Variants in JARID2 observed in about 807,000 individuals in gnomAD.
JARID2 encodes the protein protein Jumonji.
A neutral mutation model predicts 125.6 loss-of-function variants in JARID2; 21 were observed. The ratio of observed to expected loss-of-function variants is 0.17; its 90% CI spans 0.12 to 0.24. The LOEUF is 0.24. JARID2 is among the 10% of genes least tolerant of loss of function. The pLI is 1.00. For synonymous variants in JARID2, 736 were observed against 661.6 expected (o/e 1.11, Z -1.73); for missense variants, 1,303 against 1,639.6 (o/e 0.79, Z 3.55).
chr6:15,475,310 G>T (rs1209060736), intron 5 of JARID2, among the ~76,000 whole-genome samples: 1 of 152,114 alleles, frequency 6.6e-6, no homozygotes, highest in East Asian at 1.9e-4. Flanking sequence ...ATCTAATGAA[G>T]CTTGGAGCTC....
chr6:15,270,725 A>G (rs963561324), intron 1 of JARID2, among the ~76,000 whole-genome samples: 1 of 152,056 alleles, frequency 6.6e-6, no homozygotes, highest in Non-Finnish European at 1.5e-5. Context: ...AGGTGGGGAG[A>G]TCACTTGAGC....
chr6:15,422,564 G>A (rs778687574), intron 3 of JARID2, among the ~76,000 whole-genome samples: 2 of 152,136 alleles, frequency 1.3e-5, no homozygotes, highest in Non-Finnish European at 2.9e-5. Context: ...TCGTGGTCAG[G>A]TTCTTTCCCT....
chr6:15,505,732 A>G (rs1770973237), intron 9 of JARID2, among the ~76,000 whole-genome samples: 1 of 152,066 alleles, frequency 6.6e-6, no homozygotes, highest in African/African-American at 2.4e-5. Context: ...GTGGCCTGAC[A>G]CCCGGCCTGT....
chr6:15,417,955 C>G (rs1766310093), intron 3 of JARID2, among the ~76,000 whole-genome samples: 1 of 152,140 alleles, frequency 6.6e-6, no homozygotes. Flanking sequence ...AGCCCTACCA[C>G]AGCCATCTGT....
chr6:15,314,990 G>A (rs1460508553), intron 1 of JARID2: 1 of 152,184 alleles, frequency 6.6e-6, no homozygotes, highest in Non-Finnish European at 1.5e-5. Flanking sequence ...CTGTATGCAA[G>A]TATGACACAG....
rs185232703 is a variant in JARID2 at position 15,297,427 on chromosome 6, G to A, written c.45+50843G>A. The stretch of plus-strand genomic sequence containing the variant: ...CCTGGGATTACAAGCATGAGCCACC[G>A]CCCGGCCTGGTTGTGTTTTTATAAG... On this transcript the variant is annotated intron_variant, in intron 1 of 17. Coordinates refer to ENST00000341776, the MANE Select transcript of JARID2 (RefSeq NM_004973.4). 5.2e-3 allele frequency among the ~76,000 whole-genome samples: 795 copies of A among 151,602 alleles called. 1 individual carries two copies. The highest frequency in any genetic ancestry group is 0.028 in the Middle Eastern group (8 of 288).
At chr6:15,356,887 G>GC (rs917900450) in intron 1 of JARID2, among the ~76,000 whole-genome samples, 37 of 152,074 alleles carry the variant, frequency 2.4e-4, no homozygotes, top group African/African-American at 8.5e-4. Context: ...GGTGGCACGT[G>GC]CCTGTAGTCC....
chr6:15,333,685 CTTA>C (rs1561797981), intron 1 of JARID2, among the ~76,000 whole-genome samples: 1 of 152,108 alleles, frequency 6.6e-6, no homozygotes, highest in East Asian at 1.9e-4. Context: ...GAATGTATTC[CTTA>C]TTATTGCTGA....
At chr6:15,284,308 A>C (rs1760909514) in intron 1 of JARID2, among the ~76,000 whole-genome samples, 1 of 152,098 alleles carries the variant, frequency 6.6e-6, no homozygotes, top group Non-Finnish European at 1.5e-5. Context: ...CTTAGGGTTT[A>C]TTCCTGTTGA....
chr6:15,417,428 T>A (rs1307724278), intron 3 of JARID2, among the ~76,000 whole-genome samples: 1 of 152,230 alleles, frequency 6.6e-6, no homozygotes, highest in East Asian at 1.9e-4. Flanking sequence ...CTGAATAAAT[T>A]AATTCTTGAA....
intron 1 of JARID2, among the ~76,000 whole-genome samples, chr6:15,343,310 T>C (rs1763135289): frequency 6.6e-6 from 1 of 150,978 alleles, no homozygotes; most frequent in East Asian, 1.9e-4. Context: ...AAAAAGCTCA[T>C]GAGCATGCTC....
intron 1 of JARID2, among the ~76,000 whole-genome samples, chr6:15,334,251 T>C (rs546093039): frequency 6.6e-6 from 1 of 152,332 alleles, no homozygotes; most frequent in South Asian, 2.1e-4. Context: ...GTCAGTGTGC[T>C]GCATAATGGA....
intron 2 of JARID2, among the ~76,000 whole-genome samples, chr6:15,396,693 A>C (rs1289041875): frequency 6.6e-6 from 1 of 152,210 alleles, no homozygotes; most frequent in Non-Finnish European, 1.5e-5. Flanking sequence ...GTGCAATTTA[A>C]AAGTTATGAA....
chr6:15,271,916 C>T (rs527620303), intron 1 of JARID2, among the ~76,000 whole-genome samples: 1 of 152,174 alleles, frequency 6.6e-6, no homozygotes, highest in South Asian at 2.1e-4. Flanking sequence ...AGGAGAATCG[C>T]CTGAAACTGG....
chr6:15,509,008 G>A, intron 12 of JARID2: 1 of 1,289,366 alleles, frequency 7.8e-7, no homozygotes, highest in Non-Finnish European at 1.0e-6. Flanking sequence ...GTGGCTGTGG[G>A]GAGTAGAGTT....
intron 5 of JARID2, among the ~76,000 whole-genome samples, chr6:15,485,265 C>G (rs1342070740): frequency 6.6e-6 from 1 of 152,120 alleles, no homozygotes; most frequent in Non-Finnish European, 1.5e-5. Context: ...AACCGATAAT[C>G]CAGATGGGGA....
intron 1 of JARID2, among the ~76,000 whole-genome samples, chr6:15,282,831 C>A (rs1029016732): frequency 6.6e-6 from 1 of 152,032 alleles, no homozygotes; most frequent in African/African-American, 2.4e-5. Flanking sequence ...GAACTCCCGA[C>A]CTCAAGTGAT....
In JARID2 at chr6:15,496,559, A is replaced by G. The variant is rs1483275935; in HGVS notation, c.1334A>G (p.Glu445Gly). Residue 445 changes from glutamate to glycine, a missense_variant, in exon 7 of 18, where the codon GAA becomes GGA. By Grantham distance (98) the Glu-to-Gly change is moderately conservative. Transcript: ENST00000341776. ...EGLRNSKRRL[E>G]EAHQAEKPQS... is the part of the protein sequence containing the mutation. ...CTGCGGAACTCCAAGAGGAGACTGG[A>G]AGAGGCACACCAGGCGGAGAAGCCG... 3.1e-6 allele frequency: 5 copies of G among 1,607,104 alleles called. No individual in the cohort carries two copies. Among genetic ancestry groups the G allele is most frequent in the Non-Finnish European group, 4.2e-6 (5 of 1,177,874 alleles).
chr6:15,402,552 G>GA (rs1419369740), intron 2 of JARID2, among the ~76,000 whole-genome samples: 5 of 152,130 alleles, frequency 3.3e-5, no homozygotes, highest in African/African-American at 1.2e-4. Flanking sequence ...ATCTGTCTTA[G>GA]AAAAAATCTC....
Sources: gnomAD v4.1 joint callset for allele counts (sites outside exome capture counted in the v4.1 genomes callset) on GRCh38, gnomAD v4.1.1 for gene constraint, MANE v1.5 for transcripts, NCBI Gene and HGNC (gene_info 2026-07-23, HGNC 2026-07-21) for gene names.